The following ARL15 variants were observed in gnomAD, a reference collection of about 807,000 sequenced individuals.
The protein encoded by ARL15 is ADP-ribosylation factor-like protein 15.
Under a neutral mutation model 25.2 loss-of-function variants are expected in ARL15, and 19 were observed. That is an observed-to-expected ratio of 0.75 (90% CI 0.53 to 1.10). The LOEUF is 1.10. Among genes scored for constraint, ARL15 ranks in the 50% least tolerant of loss-of-function variants. ARL15 has a pLI of 0.00. For synonymous variants in ARL15, 94 were observed against 86.8 expected, an observed-to-expected ratio of 1.08 and a Z score of -0.46; for missense variants, 220 against 246.0, an observed-to-expected ratio of 0.89 and a Z score of 0.71.
intron 1 of ARL15, among the ~76,000 whole-genome samples, chr5:54,283,455 G>A (rs1758109948): frequency 1.4e-5 from 2 of 141,378 alleles, no homozygotes; most frequent in African/African-American, 2.8e-5. Flanking sequence ...CGGTGCTATT[G>A]TTCAAAACAA....
At chr5:54,205,346 G>T (rs924666062) in intron 1 of ARL15, among the ~76,000 whole-genome samples, 6 of 152,158 alleles carry the variant, frequency 3.9e-5, no homozygotes, top group Non-Finnish European at 7.3e-5. Flanking sequence ...ATTTGAACAC[G>T]AGTCTAATCT....
intron 4 of ARL15, among the ~76,000 whole-genome samples, chr5:54,004,045 T>A (rs902119930): frequency 6.6e-6 from 1 of 152,216 alleles, no homozygotes; most frequent in Non-Finnish European, 1.5e-5. Flanking sequence ...GCCTTACTTT[T>A]GCACTTCCAT....
At chr5:54,143,137 G>A (rs1753816591) in intron 3 of ARL15, among the ~76,000 whole-genome samples, 1 of 151,908 alleles carries the variant, frequency 6.6e-6, no homozygotes, top group Non-Finnish European at 1.5e-5. Context: ...TCTGTTAATT[G>A]GCTATTTAAA....
chr5:54,175,798 G>A (rs1255684056), intron 1 of ARL15, among the ~76,000 whole-genome samples: 1 of 150,864 alleles, frequency 6.6e-6, no homozygotes, highest in South Asian at 2.1e-4. Context: ...GATTACAAGT[G>A]TGCACCACCA....
chr5:54,202,356 A>G (rs1755748895), intron 1 of ARL15, among the ~76,000 whole-genome samples: 1 of 152,182 alleles, frequency 6.6e-6, no homozygotes, highest in African/African-American at 2.4e-5. Flanking sequence ...GGTAGGCTCA[A>G]TGTAATCACA....
intron 1 of ARL15, among the ~76,000 whole-genome samples, chr5:54,219,679 G>A (rs980515928): frequency 1.1e-4 from 16 of 151,974 alleles, no homozygotes; most frequent in African/African-American, 2.2e-4. Context: ...AAAGAGAGAC[G>A]GAGAAAGAAA....
At chr5:54,191,980 CTAAT>C (rs1755415433) in intron 1 of ARL15, among the ~76,000 whole-genome samples, 1 of 152,112 alleles carries the variant, frequency 6.6e-6, no homozygotes, top group Non-Finnish European at 1.5e-5. Context: ...TCCCCCACTC[CTAAT>C]TATTTCTATG....
chr5:54,029,369 CACCACCACT>C (rs1226735317), intron 4 of ARL15, among the ~76,000 whole-genome samples: 92 of 143,692 alleles, frequency 6.4e-4, no homozygotes, highest in Middle Eastern at 3.6e-3. Context: ...CCACCACCAC[CACCACCACT>C]ACACCTAGAG....
intron 4 of ARL15, among the ~76,000 whole-genome samples, chr5:53,976,362 A>G (rs1747922977): frequency 6.6e-6 from 1 of 152,236 alleles, no homozygotes; most frequent in African/African-American, 2.4e-5. Context: ...GGAAACTACA[A>G]CATTTCACTG....
chr5:54,077,060 T>A (rs1039564835), intron 4 of ARL15, among the ~76,000 whole-genome samples: 1 of 152,198 alleles, frequency 6.6e-6, no homozygotes, highest in Non-Finnish European at 1.5e-5. Flanking sequence ...TTCATCATCA[T>A]AAATGAAGAC....
intron 1 of ARL15, among the ~76,000 whole-genome samples, chr5:54,196,960 G>T (rs10039783): frequency 0.026 from 4,002 of 151,946 alleles, 201 homozygotes; most frequent in African/African-American, 0.092. Context: ...CACAATAAAG[G>T]ATGAAAACTT....
intron 4 of ARL15, among the ~76,000 whole-genome samples, chr5:53,983,030 G>T (rs1384852158): frequency 6.6e-6 from 1 of 152,102 alleles, no homozygotes; most frequent in African/African-American, 2.4e-5. Context: ...TGATGCAGTT[G>T]TTTATTTTTT....
chr5:54,087,503 T>A (rs1752005855), intron 4 of ARL15, among the ~76,000 whole-genome samples: 1 of 152,202 alleles, frequency 6.6e-6, no homozygotes, highest in African/African-American at 2.4e-5. Context: ...ATTCTTTGAA[T>A]TCTGCCACTT....
chr5:54,162,015 A>ACG (rs1754418816), intron 2 of ARL15, among the ~76,000 whole-genome samples: 1 of 141,330 alleles, frequency 7.1e-6, no homozygotes, highest in Admixed American at 7.6e-5. Flanking sequence ...ACACACACAC[A>ACG]CACACACACA....
intron 4 of ARL15, among the ~76,000 whole-genome samples, chr5:53,959,281 A>T (rs1747281075): frequency 6.6e-6 from 1 of 152,202 alleles, no homozygotes; most frequent in African/African-American, 2.4e-5. Flanking sequence ...TTAATAAAAG[A>T]TGCACTGTTA....
At chr5:54,300,106 C>T (rs1277732437) in intron 1 of ARL15, among the ~76,000 whole-genome samples, 1 of 152,068 alleles carries the variant, frequency 6.6e-6, no homozygotes, top group Non-Finnish European at 1.5e-5. Flanking sequence ...TAAAACATGC[C>T]CAAAAATTCT....
intron 4 of ARL15, among the ~76,000 whole-genome samples, chr5:53,980,152 C>A (rs997446507): frequency 6.6e-6 from 1 of 152,182 alleles, no homozygotes; most frequent in Non-Finnish European, 1.5e-5. Flanking sequence ...TCTCCAACAC[C>A]TATTTTGCAA....
At chr5:54,123,579 A>C (rs886208367) in intron 3 of ARL15, among the ~76,000 whole-genome samples, 4 of 152,210 alleles carry the variant, frequency 2.6e-5, no homozygotes, top group Non-Finnish European at 5.9e-5. Context: ...ACAATTCGAA[A>C]TGAATAGTTT....
chr5:54,097,559 T>C (rs1176731568), intron 4 of ARL15, among the ~76,000 whole-genome samples: 1 of 152,150 alleles, frequency 6.6e-6, no homozygotes, highest in East Asian at 1.9e-4. Context: ...AACTGTAAAA[T>C]AGTTTGTAGT....
Sources: gnomAD v4.1 joint callset for allele counts (sites outside exome capture counted in the v4.1 genomes callset) on GRCh38, gnomAD v4.1.1 for gene constraint, MANE v1.5 for transcripts, NCBI Gene and HGNC (gene_info 2026-07-23, HGNC 2026-07-21) for gene names.